The following LDLRAD4 variants were observed in gnomAD, a reference collection of about 807,000 sequenced individuals.
The protein encoded by LDLRAD4 is low-density lipoprotein receptor class A domain-containing protein 4.
Under a neutral mutation model 17.0 loss-of-function variants are expected in LDLRAD4, and 5 were observed. The ratio of observed to expected loss-of-function variants is 0.29; its 90% confidence interval spans 0.15 to 0.62. The LOEUF (loss-of-function observed/expected upper bound fraction) is 0.62. LDLRAD4 is among the 20% of genes least tolerant of loss of function. The probability of loss-of-function intolerance (pLI) is 0.84; values close to 1 mark genes in which losing one functional copy is unlikely to be tolerated. For missense variants in LDLRAD4, 340 were observed against 424.7 expected (o/e 0.80, Z 1.75); for synonymous variants, 168 against 171.8 (o/e 0.98, Z 0.17).
At chr18:13,306,941 A>G (rs2046950737) in intron 1 of LDLRAD4, among the ~76,000 whole-genome samples, 1 of 152,246 alleles carries the variant, frequency 6.6e-6, no homozygotes, top group South Asian at 2.1e-4. Flanking sequence ...AATGGAGATA[A>G]GTACTTCCAA....
intron 1 of LDLRAD4, among the ~76,000 whole-genome samples, chr18:13,313,823 CG>C (rs33937117): frequency 0.36 from 55,376 of 151,866 alleles, 10,835 homozygotes; most frequent in African/African-American, 0.5. Context: ...CAGCCGTGTG[CG>C]GGGGGGTGCC....
At chr18:13,349,069 G>A (rs576186223) in intron 1 of LDLRAD4, among the ~76,000 whole-genome samples, 1 of 152,290 alleles carries the variant, frequency 6.6e-6, no homozygotes, top group East Asian at 1.9e-4. Flanking sequence ...TCGGTGCGCT[G>A]CCCCCACTGT....
At chr18:13,461,594 C>T (rs1054317712) in intron 3 of LDLRAD4, 8 of 152,198 alleles carry the variant, frequency 5.3e-5, no homozygotes, top group Admixed American at 2.6e-4. Context: ...GGCTCCTGAG[C>T]CCGGTTACAG....
At chr18:13,444,331 G>A (rs2091241946) in intron 3 of LDLRAD4, among the ~76,000 whole-genome samples, 1 of 152,204 alleles carries the variant, frequency 6.6e-6, no homozygotes, top group South Asian at 2.1e-4. Context: ...TTAAACTCCA[G>A]GCGTGCAGGG....
chr18:13,482,179 C>A (rs973663717), intron 3 of LDLRAD4, among the ~76,000 whole-genome samples: 1 of 152,130 alleles, frequency 6.6e-6, no homozygotes, highest in Non-Finnish European at 1.5e-5. Context: ...CAGAGAAGGG[C>A]AGTGCCTGGG....
At chr18:13,564,686 G>A (rs189052111) in intron 3 of LDLRAD4, among the ~76,000 whole-genome samples, 12 of 125,998 alleles carry the variant, frequency 9.5e-5, no homozygotes, top group South Asian at 6.6e-4. Flanking sequence ...CCACGACCCC[G>A]CCTCTGCGCT....
At chr18:13,386,926 A>G (rs796083945) in intron 1 of LDLRAD4, among the ~76,000 whole-genome samples, 5 of 55,056 alleles carry the variant, frequency 9.1e-5, no homozygotes, top group Admixed American at 3.9e-4. Context: ...ATAGATAGAT[A>G]GATAGATAGA....
At chr18:13,610,282 T>C (rs2039389198) in intron 3 of LDLRAD4, among the ~76,000 whole-genome samples, 5 of 49,450 alleles carry the variant, frequency 1.0e-4, no homozygotes, top group Non-Finnish European at 2.1e-4. Context: ...TTTTTTTTTT[T>C]TTTTTTTTTT....
At position 13,315,628 on chromosome 18, in the gene LDLRAD4, T is replaced by C. The variant is rs528735339; in HGVS notation, c.-383+37440T>C. 4.5e-4 allele frequency among the ~76,000 whole-genome samples: 69 copies of C among 151,800 alleles called. 2 individuals carry two copies. In the East Asian group the frequency reaches 0.012, roughly 26 times the overall value. ...GGAGAAACTCCATCTCTACTAAAAATACAAAATTAGCCAGGTGTGGTGGCA... is the reference window on the plus strand; with the variant it reads ...GGAGAAACTCCATCTCTACTAAAAACACAAAATTAGCCAGGTGTGGTGGCA... On this transcript the variant is annotated intron_variant, in intron 1 of 5. Coordinates refer to ENST00000359446, the Ensembl canonical transcript of LDLRAD4.
At chr18:13,640,513 G>C (rs1252036881) in intron 4 of LDLRAD4, among the ~76,000 whole-genome samples, 2 of 152,168 alleles carry the variant, frequency 1.3e-5, no homozygotes, top group Admixed American at 6.5e-5. Flanking sequence ...TCCTGCTCCA[G>C]GCTTGGTTCT....
intron 1 of LDLRAD4, among the ~76,000 whole-genome samples, chr18:13,342,365 G>A (rs2082417934): frequency 6.6e-6 from 1 of 151,346 alleles, no homozygotes; most frequent in Admixed American, 6.6e-5. Context: ...CTAGTCCTTG[G>A]TTTTTCTTTC....
intron 1 of LDLRAD4, among the ~76,000 whole-genome samples, chr18:13,316,284 T>C (rs1250264583): frequency 6.6e-6 from 1 of 152,192 alleles, no homozygotes; most frequent in African/African-American, 2.4e-5. Context: ...CAGCTGACTT[T>C]TCCACAGAGA....
In LDLRAD4 at chr18:13,412,232, A is replaced by G. The variant is rs576835968; in HGVS notation, c.40+24470A>G. The stretch of plus-strand genomic sequence containing the variant: ...TCAGTGGCATGACTTTGCCTCAGTT[A>G]CTGCATTGTCTGCTACTTCCTCATA... On this transcript the variant is annotated intron_variant, in intron 2 of 5. Transcript: ENST00000359446. Among the ~76,000 whole-genome samples, 3 of 152,282 alleles carry G rather than the reference A, an allele frequency of 2.0e-5. No homozygotes were observed. In the South Asian group the frequency reaches 6.2e-4, roughly 32 times the overall value.
intron 3 of LDLRAD4, among the ~76,000 whole-genome samples, chr18:13,439,128 G>A (rs960324418): frequency 6.6e-6 from 1 of 152,060 alleles, no homozygotes; most frequent in Non-Finnish European, 1.5e-5. Context: ...TCCTCACACG[G>A]CCTTCTTACT....
intron 1 of LDLRAD4, among the ~76,000 whole-genome samples, chr18:13,336,157 C>A (rs888774620): frequency 3.9e-5 from 6 of 152,198 alleles, no homozygotes; most frequent in Non-Finnish European, 7.3e-5. Flanking sequence ...AGAGTGAGAA[C>A]TCACTCACTA....
At chr18:13,620,817 C>T (rs2040554682) in intron 3 of LDLRAD4, 1 of 422,748 alleles carries the variant, frequency 2.4e-6, no homozygotes. Flanking sequence ...ACGGGTTTAA[C>T]TTTTCTAGAG....
intron 1 of LDLRAD4, among the ~76,000 whole-genome samples, chr18:13,377,301 A>G (rs1478132874): frequency 6.6e-6 from 1 of 152,138 alleles, no homozygotes; most frequent in Non-Finnish European, 1.5e-5. Flanking sequence ...AAGTTATTTC[A>G]CCAACATGAA....
chr18:13,643,659 C>T (rs1175453137), intron 5 of LDLRAD4, among the ~76,000 whole-genome samples: 1 of 152,238 alleles, frequency 6.6e-6, no homozygotes, highest in African/African-American at 2.4e-5. Context: ...CTTATCTTTA[C>T]ATGATCCCGT....
intron 3 of LDLRAD4, among the ~76,000 whole-genome samples, chr18:13,491,015 G>A (rs1027341541): frequency 1.4e-4 from 22 of 152,188 alleles, no homozygotes; most frequent in African/African-American, 5.3e-4. Flanking sequence ...TAGGGATTTA[G>A]TTGGACACAG....
Sources: gnomAD v4.1 joint callset for allele counts (sites outside exome capture counted in the v4.1 genomes callset) on GRCh38, gnomAD v4.1.1 for gene constraint, MANE v1.5 for transcripts, NCBI Gene and HGNC (gene_info 2026-07-23, HGNC 2026-07-21) for gene names.